The following SOX6 variants were observed in gnomAD, a reference collection of about 807,000 sequenced individuals.
The protein encoded by SOX6 is transcription factor SOX-6.
SOX6 carries 11 observed loss-of-function variants against 97.8 expected under a neutral mutation model. The ratio of observed to expected loss-of-function variants is 0.11; its 90% CI spans 0.07 to 0.19. SOX6 has a LOEUF of 0.19. SOX6 is among the 10% of genes least tolerant of loss of function. SOX6 has a pLI of 1.00. For missense variants in SOX6, 810 were observed against 1,039.5 expected (o/e 0.78, Z 3.04); for synonymous variants, 360 against 371.4 (o/e 0.97, Z 0.35).
intron 4 of SOX6, among the ~76,000 whole-genome samples, chr11:16,553,439 T>C (rs1307365203): frequency 6.6e-6 from 1 of 152,206 alleles, no homozygotes. Flanking sequence ...TTCCAGGTCA[T>C]TGCCATGGAA....
At chr11:16,473,211 A>G (rs1322734801) in intron 1 of SOX6, among the ~76,000 whole-genome samples, 1 of 152,188 alleles carries the variant, frequency 6.6e-6, no homozygotes, top group African/African-American at 2.4e-5. Flanking sequence ...ATGCCTTAGT[A>G]TAGGCGTGCC....
chr11:16,547,911 G>A (rs2133182361), intron 4 of SOX6, among the ~76,000 whole-genome samples: 1 of 152,120 alleles, frequency 6.6e-6, no homozygotes, highest in East Asian at 1.9e-4. Flanking sequence ...GTACAAATAT[G>A]TATCAACAGC....
intron 4 of SOX6, among the ~76,000 whole-genome samples, chr11:16,217,844 C>G (rs17538814): frequency 0.079 from 12,041 of 152,138 alleles, 669 homozygotes; most frequent in South Asian, 0.17. Flanking sequence ...TCATTGCATT[C>G]CCATGATTGA....
chr11:16,150,808 T>C (rs1166961633), intron 6 of SOX6, among the ~76,000 whole-genome samples: 1 of 152,198 alleles, frequency 6.6e-6, no homozygotes, highest in Non-Finnish European at 1.5e-5. Flanking sequence ...TATGACTTTA[T>C]TTAACGTCAG....
At chr11:16,307,425 T>C (rs940884837) in intron 3 of SOX6, among the ~76,000 whole-genome samples, 43 of 152,320 alleles carry the variant, frequency 2.8e-4, no homozygotes, top group African/African-American at 9.6e-4. Context: ...ACTATGTACA[T>C]TGGGCACATA....
chr11:16,707,326 T>A (rs1240512794), intron 3 of SOX6, among the ~76,000 whole-genome samples: 1 of 149,106 alleles, frequency 6.7e-6, no homozygotes, highest in African/African-American at 2.5e-5. Flanking sequence ...ACAAACTTAA[T>A]GAGGAATGTT....
intron 3 of SOX6, among the ~76,000 whole-genome samples, chr11:16,238,756 C>T (rs1459476481): frequency 6.6e-6 from 1 of 152,068 alleles, no homozygotes; most frequent in African/African-American, 2.4e-5. Context: ...TTTCCCTTTA[C>T]CTCGTGATAT....
chr11:16,110,227 A>T (rs1432595232), intron 7 of SOX6: 1 of 152,178 alleles, frequency 6.6e-6, no homozygotes, highest in East Asian at 1.9e-4. Context: ...AGTCAAATAG[A>T]TAATTTCCAC....
At chr11:16,150,152 A>C (rs1311341910) in intron 6 of SOX6, among the ~76,000 whole-genome samples, 1 of 152,212 alleles carries the variant, frequency 6.6e-6, no homozygotes, top group Non-Finnish European at 1.5e-5. Context: ...GGATGCTGTC[A>C]GAGACATAAA....
rs762668382 is a variant in SOX6 at position 16,572,361 on chromosome 11, T to A, written n.609+39720A>T. ...TCATGAATATGTCATAGTAATGTTGTAGTTACAGCAACTGATTGCACTTCA... is the reference window on the plus strand; with the variant it reads ...TCATGAATATGTCATAGTAATGTTGAAGTTACAGCAACTGATTGCACTTCA... On this transcript the variant is annotated intron_variant and non_coding_transcript_variant, in intron 4 of 5. Transcript: ENST00000524520. Among the ~76,000 whole-genome samples the A allele has an allele frequency of 2.0e-5, 3 of 152,338 alleles. No homozygotes were observed. In the South Asian group the frequency reaches 6.2e-4, roughly 32 times the overall value.
intron 3 of SOX6, among the ~76,000 whole-genome samples, chr11:16,627,196 A>G (rs1197678341): frequency 6.6e-6 from 1 of 152,158 alleles, no homozygotes; most frequent in Non-Finnish European, 1.5e-5. Flanking sequence ...TTGTATACAT[A>G]CCACATTTTC....
chr11:16,151,397 T>C (rs1452164359), intron 6 of SOX6, among the ~76,000 whole-genome samples: 2 of 152,184 alleles, frequency 1.3e-5, no homozygotes, highest in Non-Finnish European at 2.9e-5. Context: ...CTATTTACAT[T>C]TGGACACTAT....
chr11:16,218,598 G>A (rs1448606847), intron 4 of SOX6, among the ~76,000 whole-genome samples: 2 of 152,174 alleles, frequency 1.3e-5, no homozygotes, highest in African/African-American at 2.4e-5. Context: ...TAATAGGAAT[G>A]TAACTCTTTG....
intron 6 of SOX6, among the ~76,000 whole-genome samples, chr11:16,152,465 CAATAAGTT>C (rs1850484089): frequency 6.6e-6 from 1 of 152,084 alleles, no homozygotes; most frequent in South Asian, 2.1e-4. Flanking sequence ...ACTGGACTAT[CAATAAGTT>C]ACAAAAACAA....
intron 13 of SOX6, among the ~76,000 whole-genome samples, chr11:16,008,836 T>C (rs1311207053): frequency 6.6e-6 from 1 of 152,092 alleles, no homozygotes; most frequent in Non-Finnish European, 1.5e-5. Flanking sequence ...GTGATACTCA[T>C]ACAACAGAGT....
intron 1 of SOX6, among the ~76,000 whole-genome samples, chr11:16,392,610 G>C (rs1301195832): frequency 6.6e-6 from 1 of 151,912 alleles, no homozygotes; most frequent in Non-Finnish European, 1.5e-5. Context: ...TCCAGATCTG[G>C]ACCCTGTGGA....
In SOX6 at chr11:16,324,125, A is replaced by G. The variant is rs144317190; in HGVS notation, c.238-5472T>C. On this transcript the variant is annotated intron_variant, in intron 2 of 15. Coordinates refer to ENST00000683767, the MANE Select transcript of SOX6 (RefSeq NM_001367873.1). ...CTTGAACTTCAGAGGTCCAGGCCAC[A>G]GTAAGCCATGATTGCTCCACTGCAC... Among the ~76,000 whole-genome samples the G allele has an allele frequency of 1.5e-4, 23 of 152,240 alleles. No homozygotes were observed. The East Asian group carries it at 3.9e-3, about 26-fold the overall frequency.
chr11:16,700,871 C>T lies in SOX6; in HGVS notation n.429+13959G>A, dbSNP rs1848087543. 3.9e-5 allele frequency among the ~76,000 whole-genome samples: 6 copies of T among 152,098 alleles called. No individual in the cohort carries two copies. In the South Asian group the frequency reaches 1.0e-3, roughly 26 times the overall value. On this transcript the variant is annotated intron_variant and non_coding_transcript_variant, in intron 3 of 5. Transcript: ENST00000524520. ...CCTGCTCACACCTTTGAAGGTAGTT[C>T]CTCTTCATTAAAATCCTTTCCTCTG...
At chr11:16,415,277 C>T (rs1317211686) in intron 1 of SOX6, among the ~76,000 whole-genome samples, 1 of 151,408 alleles carries the variant, frequency 6.6e-6, no homozygotes, top group Non-Finnish European at 1.5e-5. Flanking sequence ...GTGAAATAAG[C>T]CAGGCACAGA....
Sources: allele counts gnomAD v4.1 joint callset (sites outside exome capture counted in the v4.1 genomes callset), GRCh38; gene constraint gnomAD v4.1.1; transcripts MANE v1.5; gene names NCBI Gene and HGNC (gene_info 2026-07-23, HGNC 2026-07-21).